Variants in KYNU observed in about 807,000 individuals in gnomAD.
KYNU encodes the protein kynureninase, also known as L-kynurenine hydrolase.
In KYNU, 54 loss-of-function variants were observed where a neutral mutation model predicts 59.2. The observed-to-expected ratio is 0.91, with a 90% CI of 0.73 to 1.14. KYNU has a LOEUF of 1.14. Among genes scored for constraint, KYNU ranks in the 50% most tolerant of loss-of-function variants. The pLI is 0.00. For missense variants in KYNU, 567 were observed against 554.4 expected (o/e 1.02, Z -0.23); for synonymous variants, 177 against 192.0 (o/e 0.92, Z 0.65).
intron 8 of KYNU, among the ~76,000 whole-genome samples, chr2:142,962,243 A>G (rs1684379342): frequency 6.6e-6 from 1 of 152,238 alleles, no homozygotes; most frequent in Non-Finnish European, 1.5e-5. Context: ...ATGGGTTTCC[A>G]TCACACAATC....
At chr2:142,981,689 C>T (rs1330795435) in intron 8 of KYNU, among the ~76,000 whole-genome samples, 1 of 152,018 alleles carries the variant, frequency 6.6e-6, no homozygotes, top group Admixed American at 6.6e-5. Context: ...ATCTCCCTTC[C>T]TCCCTCAAAA....
intron 4 of KYNU, among the ~76,000 whole-genome samples, chr2:142,932,551 T>C (rs1015069814): frequency 5.3e-5 from 8 of 152,200 alleles, no homozygotes; most frequent in Admixed American, 3.9e-4. Flanking sequence ...GAGCCATTTA[T>C]GACAGGAGTG....
intron 2 of KYNU, among the ~76,000 whole-genome samples, chr2:142,906,877 A>C (rs1454772737): frequency 6.6e-6 from 1 of 152,150 alleles, no homozygotes; most frequent in Admixed American, 6.5e-5. Flanking sequence ...TGGCATCCCT[A>C]GGAAAATTGT....
intron 2 of KYNU, among the ~76,000 whole-genome samples, chr2:142,902,972 G>A (rs567129850): frequency 6.6e-6 from 1 of 152,190 alleles, no homozygotes; most frequent in African/African-American, 2.4e-5. Context: ...GTCCAGGACT[G>A]TAAACCACTC....
intron 10 of KYNU, among the ~76,000 whole-genome samples, chr2:142,997,939 A>G (rs538958433): frequency 3.3e-5 from 5 of 152,262 alleles, no homozygotes; most frequent in African/African-American, 7.2e-5. Flanking sequence ...GCTTTCTCTT[A>G]CTGAATCTGA....
chr2:142,923,767 TA>T (rs1682963064), intron 3 of KYNU, among the ~76,000 whole-genome samples: 1 of 152,224 alleles, frequency 6.6e-6, no homozygotes, highest in African/African-American at 2.4e-5. Context: ...CTCTTTTTCA[TA>T]AGAGCAAAAA....
intron 6 of KYNU, 62 bp from the exon 7 acceptor site, chr2:142,957,579 T>C: frequency 9.9e-7 from 1 of 1,009,316 alleles, no homozygotes; most frequent in Middle Eastern, 2.1e-4. Context: ...TATTATTTGT[T>C]ATTTCAATGT....
chr2:142,982,213 T>C (rs766743908), intron 8 of KYNU, among the ~76,000 whole-genome samples: 2 of 152,116 alleles, frequency 1.3e-5, no homozygotes, highest in Non-Finnish European at 2.9e-5. Context: ...ATCGTACACA[T>C]AGTAAACTAC....
intron 2 of KYNU, among the ~76,000 whole-genome samples, chr2:142,903,028 A>G (rs1162912174): frequency 2.0e-5 from 3 of 152,192 alleles, no homozygotes; most frequent in Non-Finnish European, 4.4e-5. Context: ...GGTAAGGTAC[A>G]GCTGGGTATA....
chr2:143,011,154 A>G (rs1686085167), intron 10 of KYNU, among the ~76,000 whole-genome samples: 1 of 145,786 alleles, frequency 6.9e-6, no homozygotes, highest in African/African-American at 2.6e-5. Flanking sequence ...AATTTTTGCA[A>G]CCTACTCATC....
intron 8 of KYNU, among the ~76,000 whole-genome samples, chr2:142,982,435 C>A (rs56831690): frequency 0.016 from 2,445 of 152,192 alleles, 65 homozygotes; most frequent in African/African-American, 0.056. Flanking sequence ...AAACTTCCTA[C>A]TTGGGTACAA....
chr2:143,034,208 AT>A (rs1349579942), intron 12 of KYNU, among the ~76,000 whole-genome samples: 22 of 151,682 alleles, frequency 1.5e-4, no homozygotes, highest in Non-Finnish European at 2.9e-5. Context: ...GTATACCTAT[AT>A]TTAAGTAAAA....
intron 10 of KYNU, chr2:142,990,008 C>T (rs1031450928): frequency 2.6e-5 from 4 of 151,772 alleles, no homozygotes; most frequent in Non-Finnish European, 5.9e-5. Flanking sequence ...TTTCCAAGAG[C>T]CCTTTGCCCA....
chr2:143,052,102 TAAAGC>T lies in KYNU; in HGVS notation c.*9935_*9939del, dbSNP rs1687277463. On this transcript the variant is annotated 3_prime_UTR_variant, in exon 14 of 14. Coordinates refer to ENST00000264170, the MANE Select transcript of KYNU (RefSeq NM_003937.3). ...GGTGACTCTTGTTATGTTTTAGACATAAAGCAAAGAGACTGGAGGCATTTTGCCCC... is the reference window on the plus strand; with the variant it reads ...GGTGACTCTTGTTATGTTTTAGACATAAAGAGACTGGAGGCATTTTGCCCC... 1 of 152,202 alleles carries T rather than the reference TAAAGC, an allele frequency of 6.6e-6. No individual in the cohort carries two copies. The highest frequency in any genetic ancestry group is 6.5e-5 in the Admixed American group (1 of 15,278). The allele number at this position is 152,202 out of a possible 1,614,324, so 9.4% of individuals were successfully genotyped here.
At chr2:143,019,895 C>G (rs1198888869) in intron 10 of KYNU, among the ~76,000 whole-genome samples, 1 of 151,954 alleles carries the variant, frequency 6.6e-6, no homozygotes, top group Non-Finnish European at 1.5e-5. Flanking sequence ...TTAATTTCTT[C>G]TAGGTTTTTC....
chr2:142,952,158 G>T (rs543742168), intron 4 of KYNU, among the ~76,000 whole-genome samples: 1 of 151,728 alleles, frequency 6.6e-6, no homozygotes, highest in East Asian at 1.9e-4. Context: ...CTCCTGACCC[G>T]CCACCTTCCC....
At chr2:142,902,809 A>C (rs1217788089) in intron 2 of KYNU, among the ~76,000 whole-genome samples, 1 of 152,208 alleles carries the variant, frequency 6.6e-6, no homozygotes, top group African/African-American at 2.4e-5. Flanking sequence ...TCAAGTCTTG[A>C]GCTAATGCCT....
chr2:142,919,639 T>C (rs926325750), intron 3 of KYNU, among the ~76,000 whole-genome samples: 5 of 152,190 alleles, frequency 3.3e-5, no homozygotes, highest in Admixed American at 3.3e-4. Flanking sequence ...TATCCATTCT[T>C]TAAAGTTTAG....
intron 4 of KYNU, among the ~76,000 whole-genome samples, chr2:142,932,348 G>A (rs1328538269): frequency 6.6e-6 from 1 of 152,100 alleles, no homozygotes; most frequent in African/African-American, 2.4e-5. Flanking sequence ...TTTCTTCTGA[G>A]GAGTAAAGAG....
Sources: gnomAD v4.1 joint callset for allele counts (sites outside exome capture counted in the v4.1 genomes callset) on GRCh38, gnomAD v4.1.1 for gene constraint, MANE v1.5 for transcripts, NCBI Gene and HGNC (gene_info 2026-07-23, HGNC 2026-07-21) for gene names.